The following RHCE variants were observed in gnomAD, a reference collection of about 807,000 sequenced individuals.
RHCE encodes the protein Rh blood group CcEe antigens.
In RHCE, 22 loss-of-function variants were observed where a neutral mutation model predicts 43.8. The observed-to-expected ratio is 0.50, with a 90% confidence interval of 0.36 to 0.72. The LOEUF (loss-of-function observed/expected upper bound fraction) is 0.72, where lower values mean the gene tolerates loss of function less well. Ranked by LOEUF, RHCE falls within the 30% of genes least tolerant of loss-of-function variation. The pLI is 0.00. For synonymous variants in RHCE, 156 were observed against 210.7 expected (o/e 0.74, Z 2.25); for missense variants, 385 against 525.4 (o/e 0.73, Z 2.61).
chr1:25,391,111 G>A (rs1324756858), intron 4 of RHCE, among the ~76,000 whole-genome samples, 196 bp from the exon 5 acceptor site: 3 of 152,118 alleles, frequency 2.0e-5, no homozygotes, highest in Non-Finnish European at 4.4e-5. Context: ...AGGAAACAAA[G>A]GCCAAGAGGG....
chr1:25,381,804 A>C (rs1646011987), intron 7 of RHCE, among the ~76,000 whole-genome samples: 1 of 149,926 alleles, frequency 6.7e-6, no homozygotes, highest in Admixed American at 6.6e-5. Context: ...CCTGCTCCTC[A>C]AAACTCTTCC....
At chr1:25,409,933 G>A (rs759476918) in intron 1 of RHCE, among the ~76,000 whole-genome samples, 3 of 150,600 alleles carry the variant, frequency 2.0e-5, no homozygotes, top group Non-Finnish European at 4.4e-5. Flanking sequence ...TTTCACTCTT[G>A]TCACCCAGGC....
chr1:25,420,529 T>C, intron 1 of RHCE, 110 bp downstream of exon 1: 3 of 1,605,706 alleles, frequency 1.9e-6, no homozygotes, highest in Non-Finnish European at 2.6e-6. Context: ...GGGAATCTTT[T>C]CCTCGGGATT....
intron 3 of RHCE, among the ~76,000 whole-genome samples, chr1:25,395,427 A>T (rs1035070403): frequency 2.6e-5 from 4 of 152,234 alleles, no homozygotes; most frequent in African/African-American, 9.6e-5. Flanking sequence ...CAAAAGATGG[A>T]GAGCACAGAC....
chr1:25,409,564 G>A (rs1647009987), intron 1 of RHCE, among the ~76,000 whole-genome samples: 2 of 124,340 alleles, frequency 1.6e-5, no homozygotes, highest in African/African-American at 2.5e-5. Context: ...CAGCAAAGCG[G>A]AGGGTGAGCA....
chr1:25,387,194 C>A (rs971827964), intron 6 of RHCE, among the ~76,000 whole-genome samples: 135 of 152,264 alleles, frequency 8.9e-4, no homozygotes, highest in African/African-American at 2.9e-3. Context: ...ACTCTTCTTA[C>A]CAATAAGCTT....
intron 1 of RHCE, among the ~76,000 whole-genome samples, chr1:25,429,221 GTTTTTTT>G (rs386366538): frequency 2.7e-5 from 3 of 112,386 alleles, no homozygotes; most frequent in Non-Finnish European, 5.2e-5. Context: ...TTCCTGGGAA[GTTTTTTT>G]TTTTTTTTTT....
chr1:25,421,340 T>C (rs602829), upstream of RHCE, among the ~76,000 whole-genome samples: 8 of 152,144 alleles, frequency 5.3e-5, no homozygotes, highest in South Asian at 4.1e-4. Flanking sequence ...CCACGTAGAA[T>C]TGACTCCTCA....
intron 7 of RHCE, among the ~76,000 whole-genome samples, chr1:25,377,705 C>T (rs1399218538): frequency 6.6e-6 from 1 of 152,128 alleles, no homozygotes; most frequent in East Asian, 1.9e-4. Context: ...TCAGCCTGGC[C>T]AACATGGCAA....
chr1:25,425,116 C>T (rs183779842), upstream of RHCE, among the ~76,000 whole-genome samples: 245 of 152,248 alleles, frequency 1.6e-3, 1 homozygote, highest in East Asian at 0.018. Context: ...TGCGTCTGGC[C>T]GTGTATTTGT....
chr1:25,400,579 T>A (rs1646707742), intron 3 of RHCE, among the ~76,000 whole-genome samples: 1 of 151,290 alleles, frequency 6.6e-6, no homozygotes, highest in Non-Finnish European at 1.5e-5. Context: ...TTGGGTCTCA[T>A]GGCTTTAAAC....
chr1:25,378,515 C>T (rs57397130), intron 7 of RHCE, among the ~76,000 whole-genome samples: 12,069 of 152,210 alleles, frequency 0.079, 1,501 homozygotes, highest in African/African-American at 0.27. Flanking sequence ...TTTGTCTATC[C>T]GGCATTCATT....
At chr1:25,415,828 C>G (rs1647368369) in intron 1 of RHCE, among the ~76,000 whole-genome samples, 2 of 151,586 alleles carry the variant, frequency 1.3e-5, no homozygotes, top group Non-Finnish European at 2.9e-5. Flanking sequence ...AGATTTGAAT[C>G]AGTCTAGCTC....
Position 25,381,879 on chromosome 1 carries a change from A to C in RHCE, c.1073+3832T>G, listed in dbSNP as rs527994906. Among the ~76,000 whole-genome samples, 9 of 150,122 alleles carry C rather than the reference A, an allele frequency of 6.0e-5. No homozygotes were observed. In the East Asian group the frequency reaches 1.6e-3, roughly 26 times the overall value. ...TTTTCAGGAATCTGTTACAGTAAAAACTCTACTTCTTGCATTAATTTTCTT... is the reference window on the plus strand; with the variant it reads ...TTTTCAGGAATCTGTTACAGTAAAACCTCTACTTCTTGCATTAATTTTCTT... On this transcript the variant is annotated intron_variant, in intron 7 of 9. Coordinates refer to ENST00000294413, the MANE Select transcript of RHCE (RefSeq NM_020485.8).
chr1:25,398,660 G>A (rs1159292839), intron 3 of RHCE: 5 of 723,598 alleles, frequency 6.9e-6, no homozygotes, highest in East Asian at 2.7e-5. Context: ...CAAATCTGCC[G>A]GCCTATTCAC....
At chr1:25,420,030 A>T (rs1053566051) in intron 1 of RHCE, among the ~76,000 whole-genome samples, 3 of 150,534 alleles carry the variant, frequency 2.0e-5, no homozygotes, top group Admixed American at 1.3e-4. Context: ...AAAAAAAAAA[A>T]ATTTAGCCAG....
chr1:25,407,362 C>A lies in RHCE; in HGVS notation c.335+1321G>T, dbSNP rs777499809. Among the ~76,000 whole-genome samples, 16 of 124,246 alleles carry A rather than the reference C, an allele frequency of 1.3e-4. 5 individuals are homozygous for A. The highest frequency in any genetic ancestry group is 2.2e-4 in the Non-Finnish European group (12 of 54,356). 81.5% of individuals were successfully genotyped at this position (124,246 alleles called of 152,430 possible). On this transcript the variant is annotated intron_variant, in intron 2 of 9. Transcript: ENST00000294413. Reference sequence around the variant, plus strand: ...TAAAAAAAAGTTAGAGCCATCTCCACCACTTAGCTGTGTGGCCCTAGGCAA... The same window carrying A: ...TAAAAAAAAGTTAGAGCCATCTCCAACACTTAGCTGTGTGGCCCTAGGCAA...
At chr1:25,369,645 G>A (rs746707835) in intron 9 of RHCE, among the ~76,000 whole-genome samples, 1 of 150,074 alleles carries the variant, frequency 6.7e-6, no homozygotes, top group Non-Finnish European at 1.5e-5. Context: ...TCAGACTCCT[G>A]TACTACAATT....
chr1:25,399,677 C>T lies in RHCE; in HGVS notation c.486+2919G>A, dbSNP rs554440338. On this transcript the variant is annotated intron_variant, in intron 3 of 9. Transcript: ENST00000294413. ...TCTCTAGTCGGTAGATACCACCTAC[C>T]GATGGTTACATATACTAGGGAAATT... Among the ~76,000 whole-genome samples the T allele has an allele frequency of 2.0e-5, 3 of 152,184 alleles. No homozygotes were observed. In the South Asian group the frequency reaches 6.2e-4, roughly 32 times the overall value.
Sources: allele counts gnomAD v4.1 joint callset (sites outside exome capture counted in the v4.1 genomes callset), GRCh38; gene constraint gnomAD v4.1.1; transcripts MANE v1.5; gene names NCBI Gene and HGNC (gene_info 2026-07-23, HGNC 2026-07-21).